Variants in GDF3 observed in about 807,000 individuals in gnomAD.
The protein encoded by GDF3 is growth differentiation factor 3, also known as growth/differentiation factor 3.
GDF3 carries 10 observed loss-of-function variants against 10.2 expected under a neutral mutation model. The ratio of observed to expected loss-of-function variants is 0.98; its 90% CI spans 0.60 to 1.66. The LOEUF is 1.66. Among genes scored for constraint, GDF3 ranks in the 40% most tolerant of loss-of-function variants. The pLI, the probability that GDF3 is intolerant of heterozygous loss-of-function variation, is 0.00. For missense variants in GDF3, 450 were observed against 438.3 expected (o/e 1.03, Z -0.24); for synonymous variants, 166 against 178.5 (o/e 0.93, Z 0.56).
In GDF3 at chr12:7,694,460, G is replaced by A. The variant is rs55714597; in HGVS notation, c.268+1001C>T. 9.6e-3 allele frequency among the ~76,000 whole-genome samples: 1,443 copies of A among 150,646 alleles called. 24 individuals carry two copies. The highest frequency in any genetic ancestry group is 0.033 in the African/African-American group (1,354 of 41,048). On this transcript the variant is annotated intron_variant, in intron 1 of 1. Transcript: ENST00000329913. The stretch of plus-strand genomic sequence containing the variant: ...TTGGTGACACACGCCTGTAATCCCA[G>A]CTACTTGGGAAGCTGAGGCAGAAGA...
chr12:7,693,243 C>A (rs3861093), intron 1 of GDF3, among the ~76,000 whole-genome samples: 65,668 of 151,596 alleles, frequency 0.43, 15,244 homozygotes, highest in Non-Finnish European at 0.52. Context: ...TGCTCTGTCA[C>A]CCAGGCTGGA....
chr12:7,695,383 G>A lies in GDF3; in HGVS notation c.268+78C>T, dbSNP rs940123916. 32 of 1,316,156 alleles carry A rather than the reference G, an allele frequency of 2.4e-5. No homozygotes were observed. In the East Asian group the frequency reaches 7.1e-4, roughly 29 times the overall value. The allele number at this position is 1,316,156 out of a possible 1,614,324, so 81.5% of individuals were successfully genotyped here. On this transcript the variant is annotated intron_variant, in intron 1 of 1. Coordinates refer to ENST00000329913, the MANE Select transcript of GDF3 (RefSeq NM_020634.3). ...TACCAGCACAAGGCCATCAGTAATT[G>A]TCATTTCCTATTGTCCTTTCCTTTC...
In GDF3 at chr12:7,695,343, A is replaced by AT. The variant is rs1864171741; in HGVS notation, c.268+117_268+118insA. Reference sequence around the variant, plus strand: ...AGGATCGTGGCTGGAATTAAATGAGACAAAATATGAAAAATACCAGCACAA... The same window carrying AT: ...AGGATCGTGGCTGGAATTAAATGAGATCAAAATATGAAAAATACCAGCACAA... On this transcript the variant is annotated intron_variant, in intron 1 of 1. Coordinates refer to ENST00000329913, the MANE Select transcript of GDF3 (RefSeq NM_020634.3). 1.4e-5 allele frequency: 14 copies of AT among 1,001,760 alleles called. 1 individual carries two copies. Among genetic ancestry groups the AT allele is most frequent in the South Asian group, 4.0e-5 (3 of 75,696 alleles). The allele number at this position is 1,001,760 out of a possible 1,614,324, so 62.1% of individuals were successfully genotyped here.
chr12:7,693,237 C>T (rs1394986058), intron 1 of GDF3, among the ~76,000 whole-genome samples: 2 of 151,948 alleles, frequency 1.3e-5, no homozygotes, highest in Admixed American at 1.3e-4. Context: ...GAGTCTTGCT[C>T]TGTCACCCAG....
In GDF3 at chr12:7,695,765, A is replaced by G. The variant is rs756382150; in HGVS notation, c.-37T>C. The G allele has an allele frequency of 1.2e-6, 2 of 1,610,150 alleles. No homozygotes were observed. The highest frequency in any genetic ancestry group is 1.7e-6 in the Non-Finnish European group (2 of 1,176,924). ...TGGCTGTCAGACCGGGGAGAGCTCC[A>G]CTGCCAGACTGCCCAACAATTCAGA... is the stretch of plus-strand genomic sequence containing the variant. On this transcript the variant is annotated 5_prime_UTR_variant, in exon 1 of 2. Coordinates refer to ENST00000329913, the MANE Select transcript of GDF3 (RefSeq NM_020634.3).
intron 1 of GDF3, among the ~76,000 whole-genome samples, chr12:7,690,975 C>T (rs186050965): frequency 3.8e-4 from 58 of 151,970 alleles, no homozygotes; most frequent in Non-Finnish European, 6.6e-4. Flanking sequence ...CATGGTGAAA[C>T]CCCGTCTCTA....
chr12:7,690,387 T>C lies in GDF3; in HGVS notation c.586A>G (p.Lys196Glu). The C allele has an allele frequency of 6.2e-7, 1 of 1,614,098 alleles. No homozygotes were observed. The highest frequency in any genetic ancestry group is 8.5e-7 in the Non-Finnish European group (1 of 1,180,000). Reference protein sequence around the residue: ...VAKDWNDNPRKNFGLFLEILV... With the variant: ...VAKDWNDNPRENFGLFLEILV... The stretch of plus-strand genomic sequence containing the variant: ...ATCTCCAGGAATAACCCGAAATTTT[T>C]CCGGGGGTTGTCATTCCAATCCTTA... The change falls in exon 2 of 2, where the codon AAA becomes GAA. Residue 196 changes from lysine (K) to glutamate (E), a missense_variant. By Grantham distance (56) the Lys-to-Glu change is moderately conservative. Coordinates refer to ENST00000329913, the MANE Select transcript of GDF3 (RefSeq NM_020634.3).
intron 1 of GDF3, among the ~76,000 whole-genome samples, chr12:7,690,934 G>A (rs1031786898): frequency 1.6e-4 from 24 of 151,620 alleles, no homozygotes; most frequent in Non-Finnish European, 2.9e-5. Context: ...GGCGGATCAC[G>A]AGGTCAGGAG....
Position 7,695,525 on chromosome 12 carries a change from T to C in GDF3, c.204A>G (p.Arg68=). 6.2e-7 allele frequency: 1 copy of C among 1,614,180 alleles called. No individual in the cohort carries two copies. Among genetic ancestry groups the C allele is most frequent in the Non-Finnish European group, 8.5e-7 (1 of 1,180,028 alleles). Reference sequence around the variant, plus strand: ...CCAGCTCCTTTACGTAGCATAAGTCTCGGGAGACCCCAGTGGTCGCTGCTG... The same window carrying C: ...CCAGCTCCTTTACGTAGCATAAGTCCCGGGAGACCCCAGTGGTCGCTGCTG... ...REAAATTGVS[R]DLCYVKELGV... is the part of the protein sequence containing the mutation. Residue 68 remains arginine (R), a synonymous_variant, in exon 1 of 2, where the codon CGA becomes CGG. Transcript: ENST00000329913.
chr12:7,695,390 C>A, intron 1 of GDF3, 71 bp downstream of exon 1: 1 of 1,375,680 alleles, frequency 7.3e-7, no homozygotes, highest in Non-Finnish European at 1.0e-6. Flanking sequence ...ATTGTCATTT[C>A]CTATTGTCCT....
At chr12:7,693,186 G>T (rs1054876605) in intron 1 of GDF3, among the ~76,000 whole-genome samples, 1 of 151,638 alleles carries the variant, frequency 6.6e-6, no homozygotes, top group African/African-American at 2.4e-5. Context: ...ATGACTTCAC[G>T]CTTGAGTAGG....
At chr12:7,693,892 G>A (rs1864157115) in intron 1 of GDF3, among the ~76,000 whole-genome samples, 1 of 152,104 alleles carries the variant, frequency 6.6e-6, no homozygotes, top group African/African-American at 2.4e-5. Flanking sequence ...GGTGGAGGCT[G>A]CAGTGAGCCG....
At chr12:7,694,840 T>G (rs1168694541) in intron 1 of GDF3, among the ~76,000 whole-genome samples, 1 of 152,074 alleles carries the variant, frequency 6.6e-6, no homozygotes, top group Non-Finnish European at 1.5e-5. Context: ...GGTTGGAGGA[T>G]CTACTGTTAA....
chr12:7,693,064 A>G (rs983628512), intron 1 of GDF3, among the ~76,000 whole-genome samples: 11 of 152,034 alleles, frequency 7.2e-5, no homozygotes, highest in Admixed American at 2.0e-4. Flanking sequence ...AATTTTACCT[A>G]TTCCTCTAGG....
At chr12:7,692,570 C>G (rs1864144177) in intron 1 of GDF3, among the ~76,000 whole-genome samples, 1 of 149,012 alleles carries the variant, frequency 6.7e-6, no homozygotes, top group African/African-American at 2.5e-5. Flanking sequence ...AGTGCACTGG[C>G]TTGATCTCAG....
intron 1 of GDF3, 112 bp from the exon 2 acceptor site, chr12:7,690,816 A>C (rs1205398892): frequency 1.4e-6 from 1 of 698,598 alleles, no homozygotes; most frequent in African/African-American, 1.8e-5. Flanking sequence ...AGGGAAAGAC[A>C]CAAGCCCTGT....
In GDF3 at chr12:7,695,624, T is replaced by C. The variant is rs753420067; in HGVS notation, c.105A>G (p.Leu35=). 6.2e-7 allele frequency: 1 copy of C among 1,614,162 alleles called. No individual in the cohort carries two copies. Among genetic ancestry groups the C allele is most frequent in the South Asian group, 1.1e-5 (1 of 91,088 alleles). Residue 35 remains leucine, a synonymous_variant, in exon 1 of 2, where the codon TTA becomes TTG. Coordinates refer to ENST00000329913, the MANE Select transcript of GDF3 (RefSeq NM_020634.3). ...QEYVFLQFLG[L]DKAPSPQKFQ... ...ACTTCTGGGGTGAAGGCGCCTTATC[T>C]AAGCCCAGAAATTGGAGAAAGACAT...
At chr12:7,691,144 C>T (rs1244191709) in intron 1 of GDF3, among the ~76,000 whole-genome samples, 3 of 137,536 alleles carry the variant, frequency 2.2e-5, no homozygotes, top group Non-Finnish European at 4.8e-5. Context: ...AGCAAGACTC[C>T]GTCTCAAAAA....
Position 7,690,271 on chromosome 12 carries a change from C to T in GDF3, c.702G>A (p.Leu234=), listed in dbSNP as rs1474321025. 3.7e-6 allele frequency: 6 copies of T among 1,614,126 alleles called. No individual in the cohort carries two copies. Among genetic ancestry groups the T allele is most frequent in the Non-Finnish European group, 5.1e-6 (6 of 1,180,024 alleles). ...RLRCSLHASL[L]VVTLNPDQCH... Reference sequence around the variant, plus strand: ...ACTGATCAGGGTTGAGAGTCACCACCAGCAGGGAAGCATGAAGGGAGCATC... The same window carrying T: ...ACTGATCAGGGTTGAGAGTCACCACTAGCAGGGAAGCATGAAGGGAGCATC... The change falls in exon 2 of 2, where the codon CTG becomes CTA. Residue 234 remains leucine, a synonymous_variant. Coordinates refer to ENST00000329913, the MANE Select transcript of GDF3 (RefSeq NM_020634.3).
Sources: gnomAD v4.1 joint callset for allele counts (sites outside exome capture counted in the v4.1 genomes callset) on GRCh38, gnomAD v4.1.1 for gene constraint, MANE v1.5 for transcripts, NCBI Gene and HGNC (gene_info 2026-07-23, HGNC 2026-07-21) for gene names.